The following MYH11 variants were observed in gnomAD, a reference collection of about 807,000 sequenced individuals.
The protein encoded by MYH11 is myosin-11.
Under a neutral mutation model 246.6 loss-of-function variants are expected in MYH11, and 80 were observed. That is an observed-to-expected ratio of 0.32 (90% confidence interval 0.27 to 0.39). MYH11 has a LOEUF of 0.39. MYH11 is among the 10% of genes least tolerant of loss of function. The pLI, the probability that MYH11 is intolerant of heterozygous loss-of-function variation, is 1.00. For missense variants in MYH11, 2,158 were observed against 2,546.8 expected (o/e 0.85, Z 3.29); for synonymous variants, 1,071 against 1,015.5 (o/e 1.05, Z -1.04).
At chr16:15,724,470 C>T (rs2040646616) in intron 30 of MYH11, 61 bp from the exon 31 acceptor site, 1 of 1,610,148 alleles carries the variant, frequency 6.2e-7, no homozygotes, top group Non-Finnish European at 8.5e-7. Context: ...CTGTCCCTGG[C>T]CCCACAGACT....
At chr16:15,786,796 G>A (rs2042480907) in intron 4 of MYH11, 64 bp from the exon 5 acceptor site, 2 of 1,386,962 alleles carry the variant, frequency 1.4e-6, no homozygotes. Flanking sequence ...AGTTCCATGA[G>A]CCAGGCAGGA....
chr16:15,726,996 G>A lies in MYH11; in HGVS notation c.3710C>T (p.Ala1237Val), dbSNP rs764031913. ...CTGGCCCAGGACCCGCAGCTCCCCGGCCAGGTCTGCGTTCTCTTTCTCCAG... is the reference window on the plus strand; with the variant it reads ...CTGGCCCAGGACCCGCAGCTCCCCGACCAGGTCTGCGTTCTCTTTCTCCAG... ...QTLEKENADL[A>V]GELRVLGQAK... Residue 1237 changes from alanine to valine, a missense_variant, in exon 28 of 41, where the codon GCC (alanine) becomes GTC (valine). By Grantham distance (64) the Ala-to-Val change is moderately conservative. Transcript: ENST00000300036. 6.2e-7 allele frequency: 1 copy of A among 1,611,838 alleles called. No individual in the cohort carries two copies. The highest frequency in any genetic ancestry group is 1.1e-5 in the South Asian group (1 of 90,840).
intron 11 of MYH11, among the ~76,000 whole-genome samples, 158 bp from the exon 12 acceptor site, chr16:15,759,886 C>T (rs1049238192): frequency 3.9e-5 from 6 of 152,134 alleles, no homozygotes; most frequent in Admixed American, 2.6e-4. Flanking sequence ...CACTTGAGGT[C>T]GGGAGTTCAA....
chr16:15,741,135 T>A (rs1175977181), intron 22 of MYH11: 6 of 470,140 alleles, frequency 1.3e-5, no homozygotes, highest in Non-Finnish European at 7.8e-6. Flanking sequence ...AATTCCTGAC[T>A]ATGCAATACT....
chr16:15,827,287 G>A (rs979273271), intron 2 of MYH11, among the ~76,000 whole-genome samples: 1 of 152,182 alleles, frequency 6.6e-6, no homozygotes, highest in Non-Finnish European at 1.5e-5. Context: ...AACCCACATT[G>A]GGGGTGGTCA....
At chr16:15,803,308 G>A (rs974180331) in intron 3 of MYH11, among the ~76,000 whole-genome samples, 3 of 146,760 alleles carry the variant, frequency 2.0e-5, no homozygotes, top group Non-Finnish European at 3.0e-5. Context: ...ATGGAGTCTC[G>A]CTCTGTCACC....
At chr16:15,809,039 C>G (rs189213478) in intron 3 of MYH11, among the ~76,000 whole-genome samples, 123 of 152,274 alleles carry the variant, frequency 8.1e-4, no homozygotes, top group Middle Eastern at 3.4e-3. Context: ...CCAGCAGCCT[C>G]ATAGAACCTA....
intron 9 of MYH11, among the ~76,000 whole-genome samples, chr16:15,766,398 T>C (rs1465016942): frequency 6.6e-6 from 1 of 150,914 alleles, no homozygotes; most frequent in Non-Finnish European, 1.5e-5. Flanking sequence ...TGAGACTGAG[T>C]CTTGCTGTCA....
rs1307064636 is a variant in MYH11 at position 15,759,755 on chromosome 16, G to A, written c.1249-27C>T. ...TGCAGAGGGCAACCAGGGGAACCCG[G>A]TTATTCTCAATGGGCTCCATTTTCA... On this transcript the variant is annotated intron_variant, in intron 11 of 40. Coordinates refer to ENST00000300036, the MANE Select transcript of MYH11 (RefSeq NM_002474.3). 2.5e-6 allele frequency: 4 copies of A among 1,613,100 alleles called. No individual in the cohort carries two copies. In the African/African-American group the frequency reaches 4.0e-5, roughly 16 times the overall value.
Position 15,741,501 on chromosome 16 carries a change from G to A in MYH11, c.2821C>T (p.Leu941=). 1 of 1,609,182 alleles carries A rather than the reference G, an allele frequency of 6.2e-7. No homozygotes were observed. Among genetic ancestry groups the A allele is most frequent in the Middle Eastern group, 1.6e-4 (1 of 6,062 alleles). The part of the protein sequence containing the change: ...LEEEEDRGQQ[L]QAERKKMAQQ... ...GCCATCTTCTTCCTTTCAGCCTGTA[G>A]CTGCTGGCCCCTGTCTTCCTCCTCC... Residue 941 remains leucine (L), a synonymous_variant, in exon 22 of 41, where the codon CTA becomes TTA. Coordinates refer to ENST00000300036, the MANE Select transcript of MYH11 (RefSeq NM_002474.3).
rs528569286 is a variant in MYH11, at chr16:15,717,214, G to A, written c.5430C>T (p.Ser1810=). The A allele has an allele frequency of 1.9e-5, 30 of 1,614,216 alleles. No homozygotes were observed. The East Asian group carries it at 3.1e-4, about 17-fold the overall frequency. The part of the protein sequence containing the change: ...KLHEMEGAVK[S]KFKSTIAALE... ...GCGCCGCGATGGTGGACTTGAACTT[G>A]GACTTGACGGCCCCCTCCATCTCGT... The change falls in exon 38 of 41, where the codon TCC becomes TCT. Residue 1810 remains serine (S), a synonymous_variant. Transcript: ENST00000300036.
intron 3 of MYH11, among the ~76,000 whole-genome samples, chr16:15,816,462 AAAG>A (rs1341863679): frequency 6.6e-6 from 1 of 152,178 alleles, no homozygotes; most frequent in Non-Finnish European, 1.5e-5. Flanking sequence ...AGTCATACAG[AAAG>A]AAGAAAAATA....
chr16:15,721,490 G>A lies in MYH11; in HGVS notation c.4510C>T (p.Arg1504Trp), dbSNP rs144823441. The A allele has an allele frequency of 1.4e-5, 23 of 1,614,070 alleles. No individual in the cohort carries two copies. The highest frequency in any genetic ancestry group is 3.3e-4 in the Middle Eastern group (2 of 6,084). ...TCGGCTTTGAGCATTTTGTTGGTCCGCTCGAGTTCCTCTTTGGCTTCCAAG... is the reference window on the plus strand; with the variant it reads ...TCGGCTTTGAGCATTTTGTTGGTCCACTCGAGTTCCTCTTTGGCTTCCAAG... Reference protein sequence around the residue: ...EALEAKEELERTNKMLKAEME... With the variant: ...EALEAKEELEWTNKMLKAEME... Residue 1504 changes from arginine to tryptophan, a missense_variant, in exon 32 of 41, where the codon CGG becomes TGG. Arg to Trp is a moderately radical substitution (Grantham distance 101, BLOSUM62 -3). Transcript: ENST00000300036.
At chr16:15,822,553 C>T (rs570273341) in intron 3 of MYH11, among the ~76,000 whole-genome samples, 1 of 152,018 alleles carries the variant, frequency 6.6e-6, no homozygotes, top group East Asian at 1.9e-4. Context: ...CAAAAAAACC[C>T]ACCTTTTTAA....
At chr16:15,775,877 G>A in intron 8 of MYH11, 3 of 630,096 alleles carry the variant, frequency 4.8e-6, no homozygotes, top group Non-Finnish European at 2.9e-6. Context: ...TCACATAGTA[G>A]GTGCTCAGTA....
At position 15,737,570 on chromosome 16, in the gene MYH11, G is replaced by A. The variant is rs1464255846; in HGVS notation, c.3172C>T (p.Arg1058Trp). Residue 1058 changes from arginine (R) to tryptophan (W), a missense_variant, in exon 25 of 41, where the codon CGG becomes TGG. Physicochemically the swap from Arg to Trp is moderately radical, Grantham distance 101. Coordinates refer to ENST00000300036, the MANE Select transcript of MYH11 (RefSeq NM_002474.3). Reference protein sequence around the residue: ...KSRQELEKLKRKLEGDASDFH... With the variant: ...KSRQELEKLKWKLEGDASDFH... The stretch of plus-strand genomic sequence containing the variant: ...TCGCTGGCATCACCCTCCAGCTTCC[G>A]TTTCAGCTTCTCCAGCTCCTGTCGG... 1.9e-6 allele frequency: 3 copies of A among 1,613,754 alleles called. No homozygotes were observed. The highest frequency in any genetic ancestry group is 2.5e-6 in the Non-Finnish European group (3 of 1,180,012).
intron 4 of MYH11, among the ~76,000 whole-genome samples, chr16:15,787,578 G>A (rs985295560): frequency 8.1e-5 from 12 of 147,550 alleles, no homozygotes; most frequent in Admixed American, 3.4e-4. Context: ...CACCTCCCTG[G>A]TTCTCCTGCC....
At chr16:15,732,843 T>C (rs529603131) in intron 26 of MYH11, 135 bp from the exon 27 acceptor site, 3 of 1,138,468 alleles carry the variant, frequency 2.6e-6, no homozygotes, top group Non-Finnish European at 3.8e-6. Context: ...CTGTGTGACC[T>C]TGGGTCATTC....
intron 2 of MYH11, among the ~76,000 whole-genome samples, chr16:15,824,061 G>A (rs920724308): frequency 6.6e-6 from 1 of 152,114 alleles, no homozygotes; most frequent in South Asian, 2.1e-4. Context: ...GTTGGGCACC[G>A]AACTAAGCAC....
Sources: allele counts gnomAD v4.1 joint callset (sites outside exome capture counted in the v4.1 genomes callset), GRCh38; gene constraint gnomAD v4.1.1; transcripts MANE v1.5; gene names NCBI Gene and HGNC (gene_info 2026-07-23, HGNC 2026-07-21).